SLC22A7: variants seen among roughly 807,000 people sequenced by gnomAD.
SLC22A7 encodes the protein solute carrier family 22 member 7.
A neutral mutation model predicts 62.2 loss-of-function variants in SLC22A7; 48 were observed. The observed-to-expected ratio is 0.77, with a 90% CI of 0.61 to 0.98. The LOEUF is 0.98. Among genes scored for constraint, SLC22A7 ranks in the 50% least tolerant of loss-of-function variants. The pLI, the probability that SLC22A7 is intolerant of heterozygous loss-of-function variation, is 0.00. For synonymous variants in SLC22A7, 276 were observed against 314.8 expected (o/e 0.88, Z 1.30); for missense variants, 581 against 703.8 (o/e 0.83, Z 1.97).
chr6:43,298,644 G>A lies in SLC22A7; in HGVS notation c.286G>A (p.Glu96Lys). The change falls in exon 1 of 11, where the codon GAA (glutamate) becomes AAA (lysine). Residue 96 changes from glutamate to lysine, a missense_variant. Coordinates refer to ENST00000372585, the MANE Select transcript of SLC22A7 (RefSeq NM_153320.2). ...PQALPNTTLG[E>K]ERQSRGELED... Reference sequence around the variant, plus strand: ...GGCTCTCCCCAACACCACGTTGGGGGAAGAAAGGCAGAGCCGTGGGGAGCT... The same window carrying A: ...GGCTCTCCCCAACACCACGTTGGGGAAAGAAAGGCAGAGCCGTGGGGAGCT... 6.3e-7 allele frequency: 1 copy of A among 1,586,586 alleles called. No homozygotes were observed. The highest frequency in any genetic ancestry group is 2.2e-5 in the East Asian group (1 of 44,600).
Position 43,301,669 on chromosome 6 carries a change from C to T in SLC22A7, c.1038C>T (p.Ile346=). Residue 346 remains isoleucine, a synonymous_variant, in exon 7 of 11, where the codon ATC becomes ATT. Transcript: ENST00000372585. ...TCCGCACACCACGGCTCCGACACAT[C>T]TCACTGTGCTGCGTGGTGGTGTGGT... ...DLFRTPRLRH[I]SLCCVVVWFG... 1 of 1,613,336 alleles carries T rather than the reference C, an allele frequency of 6.2e-7. No individual in the cohort carries two copies. The highest frequency in any genetic ancestry group is 1.3e-5 in the African/African-American group (1 of 75,012).
chr6:43,304,184 T>TGCTGCCAGAGACGAGGCAGGCACA lies in SLC22A7; in HGVS notation c.1545_1568dup (p.Arg516_Thr523dup), dbSNP rs766741404. On this transcript the variant is annotated inframe_insertion, in exon 10 of 11. Coordinates refer to ENST00000372585, the MANE Select transcript of SLC22A7 (RefSeq NM_153320.2). Reference sequence around the variant, plus strand: ...CTGCTGGCTGCCGGCACCGCCCTCCTGCTGCCAGAGACGAGGCAGGCACAG... The same window carrying TGCTGCCAGAGACGAGGCAGGCACA: ...CTGCTGGCTGCCGGCACCGCCCTCCTGCTGCCAGAGACGAGGCAGGCACAGCTGCCAGAGACGAGGCAGGCACAG... The TGCTGCCAGAGACGAGGCAGGCACA allele has an allele frequency of 6.3e-7, 1 of 1,599,048 alleles. No homozygotes were observed. Among genetic ancestry groups the TGCTGCCAGAGACGAGGCAGGCACA allele is most frequent in the African/African-American group, 1.3e-5 (1 of 74,738 alleles).
chr6:43,303,985 C>T, intron 9 of SLC22A7, 53 bp from the exon 10 acceptor site: 2 of 1,418,234 alleles, frequency 1.4e-6, no homozygotes, highest in Non-Finnish European at 1.9e-6. Flanking sequence ...TGGGGCATGA[C>T]TCCAGGTAGG....
intron 9 of SLC22A7, chr6:43,303,283 A>T: frequency 3.1e-6 from 1 of 327,186 alleles, no homozygotes; most frequent in Non-Finnish European, 4.4e-6. Flanking sequence ...CAACATGGTG[A>T]AACCCTGTCT....
intron 6 of SLC22A7, 153 bp downstream of exon 6, chr6:43,301,411 C>A: frequency 8.5e-7 from 1 of 1,179,638 alleles, no homozygotes; most frequent in Non-Finnish European, 1.2e-6. Context: ...TCCTACCTGG[C>A]TCCAGTGGGC....
chr6:43,303,768 A>G (rs1778842346), intron 9 of SLC22A7, among the ~76,000 whole-genome samples: 1 of 152,156 alleles, frequency 6.6e-6, no homozygotes, highest in Admixed American at 6.5e-5. Context: ...CCCTTTCCTT[A>G]TCTCCCAGTC....
chr6:43,302,670 G>C lies in SLC22A7; in HGVS notation c.1292G>C (p.Ser431Thr), dbSNP rs765500033. The C allele has an allele frequency of 2.5e-6, 4 of 1,603,200 alleles. No individual in the cohort carries two copies. In the South Asian group the frequency reaches 3.4e-5, roughly 13 times the overall value. The change falls in exon 9 of 11, where the codon AGC (serine) becomes ACC (threonine). Residue 431 changes from serine to threonine, a missense_variant. Physicochemically the swap from Ser to Thr is moderately conservative, Grantham distance 58. Coordinates refer to ENST00000372585, the MANE Select transcript of SLC22A7 (RefSeq NM_153320.2). This position sits in a 1 kb window ranked among gnomAD's most constrained non-coding sequence, Gnocchi z 5.0. ...TTCCCTCCAGATATGAAGTCCTGGA[G>C]CACTGTCCTGGCAGTGATGGGGAAA... is the stretch of plus-strand genomic sequence containing the variant. The part of the protein sequence containing the change: ...LLVSSDMKSW[S>T]TVLAVMGKAF...
In SLC22A7 at chr6:43,304,900, T is replaced by C. The variant is rs1215866675; in HGVS notation, c.*175T>C. 7 of 482,712 alleles carry C rather than the reference T, an allele frequency of 1.5e-5. No homozygotes were observed. Among genetic ancestry groups the C allele is most frequent in the East Asian group, 6.9e-5 (2 of 28,926 alleles). 29.9% of individuals were successfully genotyped at this position (482,712 alleles called of 1,614,324 possible). ...TTGATTATTTGGCTTCTAGGAACAG[T>C]TGACTTCCCAGAATGCAGTGGGCTG... On this transcript the variant is annotated 3_prime_UTR_variant, in exon 11 of 11. Transcript: ENST00000372585.
chr6:43,297,120 A>T (rs964216661), upstream of SLC22A7, among the ~76,000 whole-genome samples: 1 of 152,070 alleles, frequency 6.6e-6, no homozygotes, highest in Non-Finnish European at 1.5e-5. Context: ...CAGCACCCCC[A>T]TTAACACACG....
chr6:43,303,496 T>G (rs151106063), intron 9 of SLC22A7, among the ~76,000 whole-genome samples: 527 of 150,490 alleles, frequency 3.5e-3, no homozygotes, highest in South Asian at 0.014. Flanking sequence ...ATAATAATAA[T>G]AATAAGAAGA....
At chr6:43,303,600 C>T (rs1241740932) in intron 9 of SLC22A7, among the ~76,000 whole-genome samples, 2 of 152,134 alleles carry the variant, frequency 1.3e-5, no homozygotes, top group Admixed American at 6.5e-5. Context: ...CAAGAGCAAC[C>T]CCTTGAAAGG....
At chr6:43,303,278 T>C (rs1477066242) in intron 9 of SLC22A7, 9 of 354,476 alleles carry the variant, frequency 2.5e-5, no homozygotes, top group Non-Finnish European at 3.5e-5. Flanking sequence ...CTGACCAACA[T>C]GGTGAAACCC....
chr6:43,296,991 G>A (rs1044866078), upstream of SLC22A7, among the ~76,000 whole-genome samples: 2 of 152,066 alleles, frequency 1.3e-5, no homozygotes, highest in African/African-American at 4.8e-5. Flanking sequence ...CCGTGTCTGA[G>A]GCATCTATGT....
At chr6:43,304,566 A>G in intron 10 of SLC22A7, 105 bp from the exon 11 acceptor site, 1 of 929,010 alleles carries the variant, frequency 1.1e-6, no homozygotes. Context: ...AGGCGTTTGT[A>G]TACCAGGAAC....
At position 43,299,165 on chromosome 6, in the gene SLC22A7, G is replaced by A. The variant is rs536409578; in HGVS notation, c.399+68G>A. 1.9e-6 allele frequency: 3 copies of A among 1,614,214 alleles called. No individual in the cohort carries two copies. The highest frequency in any genetic ancestry group is 1.7e-5 in the Admixed American group (1 of 60,028). On this transcript the variant is annotated intron_variant, in intron 2 of 10. Transcript: ENST00000372585. This position sits in a 1 kb window ranked among gnomAD's most constrained non-coding sequence, Gnocchi z 4.4. ...AGGCAGTCTCCCTGGGAGGCAGCAG[G>A]TCGAGGCCTTCCTTGGGAAGAAGCT...
Position 43,304,933 on chromosome 6 carries a change from C to G in SLC22A7, c.*208C>G, listed in dbSNP as rs572226894. ...CCAGAATGCAGTGGGCTGCTGGGCA[C>G]CCCTCTCACGGTTGGGGAGGATTCT... On this transcript the variant is annotated 3_prime_UTR_variant, in exon 11 of 11. Coordinates refer to ENST00000372585, the MANE Select transcript of SLC22A7 (RefSeq NM_153320.2). The G allele has an allele frequency of 2.3e-6, 1 of 439,240 alleles. No homozygotes were observed. The highest frequency in any genetic ancestry group is 3.6e-5 in the East Asian group (1 of 27,786). The allele number at this position is 439,240 out of a possible 1,614,324, so 27.2% of individuals were successfully genotyped here.
In SLC22A7 at chr6:43,302,731, G is replaced by A. The variant is rs745719776; in HGVS notation, c.1353G>A (p.Leu451=). The change falls in exon 9 of 11, where the codon CTG becomes CTA. Residue 451 remains leucine, a synonymous_variant. Transcript: ENST00000372585. This position sits in a 1 kb window ranked among gnomAD's most constrained non-coding sequence, Gnocchi z 5.0. Reference sequence around the variant, plus strand: ...AAGCTGCCTTCACCACTGCCTACCTGTTCACTTCAGAGTTGTACCCTACGG... The same window carrying A: ...AAGCTGCCTTCACCACTGCCTACCTATTCACTTCAGAGTTGTACCCTACGG... ...FSEAAFTTAY[L]FTSELYPTVL... is the part of the protein sequence containing the mutation. 8 of 1,609,696 alleles carry A rather than the reference G, an allele frequency of 5.0e-6. No homozygotes were observed. The Admixed American group carries it at 1.0e-4, about 20-fold the overall frequency.
chr6:43,299,014 A>G lies in SLC22A7; in HGVS notation c.394-78A>G. Reference sequence around the variant, plus strand: ...AAAGTGGCTTCAGGGAGTTGAGACAAAGAGCTGAGAAGGCAATTTCTGCAG... The same window carrying G: ...AAAGTGGCTTCAGGGAGTTGAGACAGAGAGCTGAGAAGGCAATTTCTGCAG... On this transcript the variant is annotated intron_variant, in intron 1 of 10. Transcript: ENST00000372585. This position sits in a 1 kb window ranked among gnomAD's most constrained non-coding sequence, Gnocchi z 4.4. The G allele has an allele frequency of 7.1e-7, 1 of 1,415,566 alleles. No homozygotes were observed. Among genetic ancestry groups the G allele is most frequent in the South Asian group, 1.4e-5 (1 of 73,518 alleles). 87.7% of individuals were successfully genotyped at this position (1,415,566 alleles called of 1,614,324 possible).
chr6:43,299,623 G>A lies in SLC22A7; in HGVS notation c.504-4G>A. Reference sequence around the variant, plus strand: ...GGAACTGACCCTGCATGACCCCTTTGCAGGTTTGGGCGGCGGCGTCTGCTG... The same window carrying A: ...GGAACTGACCCTGCATGACCCCTTTACAGGTTTGGGCGGCGGCGTCTGCTG... On this transcript the variant is annotated splice_region_variant and splice_polypyrimidine_tract_variant and intron_variant, in intron 3 of 10. Transcript: ENST00000372585. The surrounding 1 kb of genome is among the most constrained non-coding windows in gnomAD (Gnocchi z 4.4). 1 of 1,614,190 alleles carries A rather than the reference G, an allele frequency of 6.2e-7. No homozygotes were observed. The highest frequency in any genetic ancestry group is 1.6e-4 in the Middle Eastern group (1 of 6,062).
Sources: gnomAD v4.1 joint callset for allele counts (sites outside exome capture counted in the v4.1 genomes callset) on GRCh38, gnomAD v4.1.1 for gene constraint, Gnocchi (gnomAD v3.1) non-coding constraint, MANE v1.5 for transcripts, NCBI Gene and HGNC (gene_info 2026-07-23, HGNC 2026-07-21) for gene names.